TLN2: variants seen among roughly 807,000 people sequenced by gnomAD.
The protein encoded by TLN2 is talin-2.
In TLN2, 118 loss-of-function variants were observed where a neutral mutation model predicts 294.7. That is an observed-to-expected ratio of 0.40 (90% CI 0.34 to 0.47). TLN2 has a LOEUF of 0.47. TLN2 is among the 20% of genes least tolerant of loss of function. The probability of loss-of-function intolerance (pLI) is 0.84; values close to 1 mark genes in which losing one functional copy is unlikely to be tolerated. For synonymous variants in TLN2, 1,431 were observed against 1,304.5 expected (o/e 1.10, Z -2.09); for missense variants, 3,083 against 3,282.2 (o/e 0.94, Z 1.48).
chr15:62,681,425 T>A (rs1264666324), intron 11 of TLN2, among the ~76,000 whole-genome samples: 2 of 152,242 alleles, frequency 1.3e-5, no homozygotes, highest in Non-Finnish European at 2.9e-5. Flanking sequence ...AGCCTTGAGA[T>A]CAGTCATAGA....
At chr15:62,738,030 G>A (rs2061121326) in intron 29 of TLN2, among the ~76,000 whole-genome samples, 184 bp from the exon 30 acceptor site, 1 of 152,156 alleles carries the variant, frequency 6.6e-6, no homozygotes, top group African/African-American at 2.4e-5. Context: ...CCCAATAAGA[G>A]GGTGGAAAAC....
intron 48 of TLN2, among the ~76,000 whole-genome samples, chr15:62,798,054 A>G (rs929562258): frequency 6.6e-6 from 1 of 152,154 alleles, no homozygotes; most frequent in Admixed American, 6.5e-5. Flanking sequence ...AACCCACCAG[A>G]GACAGAGTTA....
chr15:62,528,746 T>C (rs928791046), intron 1 of TLN2, among the ~76,000 whole-genome samples: 1 of 150,500 alleles, frequency 6.6e-6, no homozygotes, highest in Non-Finnish European at 1.5e-5. Flanking sequence ...TGGCTGATCT[T>C]GGATATCGAT....
intron 1 of TLN2, among the ~76,000 whole-genome samples, chr15:62,541,564 G>A (rs1231016444): frequency 6.6e-6 from 1 of 152,104 alleles, no homozygotes; most frequent in African/African-American, 2.4e-5. Flanking sequence ...CCTGGGGTCA[G>A]CCCCACTGGA....
chr15:62,698,550 A>C (rs2058513584), intron 15 of TLN2, among the ~76,000 whole-genome samples: 1 of 152,168 alleles, frequency 6.6e-6, no homozygotes, highest in Non-Finnish European at 1.5e-5. Context: ...CGTGGCAATC[A>C]CCTTCATTTT....
At chr15:62,772,912 C>T (rs1222680913) in intron 42 of TLN2, among the ~76,000 whole-genome samples, 1 of 152,090 alleles carries the variant, frequency 6.6e-6, no homozygotes, top group African/African-American at 2.4e-5. Context: ...GATCCATCCT[C>T]CTCAGCCTCC....
intron 1 of TLN2, among the ~76,000 whole-genome samples, chr15:62,531,403 G>A (rs2041034060): frequency 6.6e-6 from 1 of 152,150 alleles, no homozygotes; most frequent in African/African-American, 2.4e-5. Flanking sequence ...ACCAGGGGTT[G>A]GGCTGGTTGG....
intron 51 of TLN2, 130 bp from the exon 52 acceptor site, chr15:62,809,795 C>T (rs1360800748): frequency 6.6e-6 from 5 of 760,604 alleles, no homozygotes; most frequent in Non-Finnish European, 9.0e-6. Flanking sequence ...AGGAGAGATA[C>T]CTCTTCTGTC....
intron 52 of TLN2, among the ~76,000 whole-genome samples, chr15:62,814,813 C>A (rs2066967095): frequency 6.6e-6 from 1 of 152,174 alleles, no homozygotes; most frequent in Non-Finnish European, 1.5e-5. Context: ...AAAATAAATT[C>A]ACGTTCACAC....
At chr15:62,597,334 A>C (rs545149590) in intron 2 of TLN2, among the ~76,000 whole-genome samples, 1 of 152,320 alleles carries the variant, frequency 6.6e-6, no homozygotes, top group African/African-American at 2.4e-5. Context: ...ATTATGATTA[A>C]GTAGATGCTG....
At chr15:62,748,317 C>CAAA (rs74266534) in intron 32 of TLN2, 34 bp from the exon 33 acceptor site, 114 of 1,263,598 alleles carry the variant, frequency 9.0e-5, no homozygotes, top group Middle Eastern at 2.3e-4. Context: ...TGTTGATCTT[C>CAAA]AAAAAAAAAA....
At chr15:62,527,129 A>C (rs1220877637) in intron 1 of TLN2, among the ~76,000 whole-genome samples, 1 of 152,074 alleles carries the variant, frequency 6.6e-6, no homozygotes, top group Admixed American at 6.6e-5. Flanking sequence ...TTGGATTTTG[A>C]GATTGTAGGT....
In TLN2 at chr15:62,416,039, C is replaced by G. The variant is rs1443419899; in HGVS notation, c.-238+25354C>G. 7.9e-5 allele frequency among the ~76,000 whole-genome samples: 12 copies of G among 152,190 alleles called. No homozygotes were observed. The East Asian group carries it at 2.3e-3, about 29-fold the overall frequency. On this transcript the variant is annotated intron_variant, in intron 1 of 58. Coordinates refer to ENST00000636159, the MANE Select transcript of TLN2 (RefSeq NM_015059.3). ...GTTGGTTGGGCACAGTGGCTCATGC[C>G]TATAATCCCAGCATTTTGGGAGGCC... is the stretch of plus-strand genomic sequence containing the variant.
intron 1 of TLN2, among the ~76,000 whole-genome samples, chr15:62,519,129 G>C (rs1353600629): frequency 6.6e-6 from 1 of 152,214 alleles, no homozygotes; most frequent in African/African-American, 2.4e-5. Context: ...TATAGAGCTG[G>C]ATGAACTTGA....
chr15:62,809,591 C>T (rs1159251709), intron 51 of TLN2, among the ~76,000 whole-genome samples: 1 of 152,154 alleles, frequency 6.6e-6, no homozygotes, highest in African/African-American at 2.4e-5. Context: ...AAGCGCTGAT[C>T]ATGAATCTTG....
chr15:62,571,686 G>A (rs1170598769), intron 1 of TLN2, among the ~76,000 whole-genome samples: 2 of 152,144 alleles, frequency 1.3e-5, no homozygotes, highest in Admixed American at 6.5e-5. Context: ...AATTTTCAAT[G>A]CATGACCCAT....
At chr15:62,802,222 G>A (rs2065976253) in intron 50 of TLN2, among the ~76,000 whole-genome samples, 2 of 151,974 alleles carry the variant, frequency 1.3e-5, no homozygotes, top group African/African-American at 2.4e-5. Flanking sequence ...TGCAAAGTGT[G>A]TCTTTCTGTG....
intron 57 of TLN2, among the ~76,000 whole-genome samples, chr15:62,836,465 G>C (rs2069607157): frequency 6.6e-6 from 1 of 152,226 alleles, no homozygotes; most frequent in Non-Finnish European, 1.5e-5. Flanking sequence ...AGGTCTGTCT[G>C]TGAGCAGGTT....
chr15:62,746,086 AT>A lies in TLN2; in HGVS notation c.4026-2264del, dbSNP rs1363668989. On this transcript the variant is annotated intron_variant, in intron 32 of 58. Coordinates refer to ENST00000636159, the MANE Select transcript of TLN2 (RefSeq NM_015059.3). ...AAACTGGCGGCTTTCCCACAGCTGT[AT>A]ATCCTCTGGATTCACCAATTATAAA... 2.0e-5 allele frequency among the ~76,000 whole-genome samples: 3 copies of A among 152,230 alleles called. No individual in the cohort carries two copies. In the East Asian group the frequency reaches 5.8e-4, roughly 29 times the overall value.
Sources: allele counts gnomAD v4.1 joint callset (sites outside exome capture counted in the v4.1 genomes callset), GRCh38; gene constraint gnomAD v4.1.1; transcripts MANE v1.5; gene names NCBI Gene and HGNC (gene_info 2026-07-23, HGNC 2026-07-21).